The following AFAP1L2 variants were observed in gnomAD, a reference collection of about 807,000 sequenced individuals.
AFAP1L2 encodes the protein actin filament-associated protein 1-like 2.
Under a neutral mutation model 99.3 loss-of-function variants are expected in AFAP1L2, and 46 were observed. That is an observed-to-expected ratio of 0.46 (90% CI 0.37 to 0.59). The LOEUF is 0.59. Among genes scored for constraint, AFAP1L2 ranks in the 20% least tolerant of loss-of-function variants. The pLI, the probability that AFAP1L2 is intolerant of heterozygous loss-of-function variation, is 0.00. For missense variants in AFAP1L2, 959 were observed against 1,034.9 expected (o/e 0.93, Z 1.01); for synonymous variants, 397 against 419.1 (o/e 0.95, Z 0.64).
chr10:114,281,678 T>G, the AFAP1L2 span: 5 of 961,924 alleles, frequency 5.2e-6, no homozygotes, highest in Non-Finnish European at 6.2e-6. Flanking sequence ...GTGGACCAGA[T>G]AGTAGCAGCA....
At chr10:114,385,243 C>T (rs2056344776) in intron 1 of AFAP1L2, among the ~76,000 whole-genome samples, 1 of 152,060 alleles carries the variant, frequency 6.6e-6, no homozygotes. Context: ...CAGAGAAGCC[C>T]CGTTTTAGGA....
At chr10:114,350,874 C>T (rs1222874449) in intron 1 of AFAP1L2, among the ~76,000 whole-genome samples, 1 of 152,164 alleles carries the variant, frequency 6.6e-6, no homozygotes, top group Non-Finnish European at 1.5e-5. Context: ...CAGGTTCCAG[C>T]GGCGACCAGG....
intron 1 of AFAP1L2, among the ~76,000 whole-genome samples, chr10:114,349,634 C>A (rs940733995): frequency 1.3e-5 from 2 of 151,374 alleles, no homozygotes; most frequent in Admixed American, 6.6e-5. Context: ...TTACATATCA[C>A]TGTACTCAGT....
At chr10:114,365,982 T>C (rs2053185172) in intron 1 of AFAP1L2, among the ~76,000 whole-genome samples, 1 of 152,134 alleles carries the variant, frequency 6.6e-6, no homozygotes. Flanking sequence ...GTGATCCTTC[T>C]GCCTTGGCCT....
chr10:114,374,337 A>G (rs1020609597), intron 1 of AFAP1L2, among the ~76,000 whole-genome samples: 2 of 152,230 alleles, frequency 1.3e-5, no homozygotes, highest in Admixed American at 6.5e-5. Flanking sequence ...TTCGTGAGAC[A>G]AACAGCACAG....
In AFAP1L2 at chr10:114,324,066, G is replaced by A. The variant is rs568844266; in HGVS notation, c.316-805C>T. 7.2e-5 allele frequency among the ~76,000 whole-genome samples: 11 copies of A among 152,338 alleles called. No homozygotes were observed. The East Asian group carries it at 1.5e-3, about 21-fold the overall frequency. ...CAACTGTGTCAGAAGCACAGAACGT[G>A]AAATCATTGTGTTCCTCCCTTATTC... On this transcript the variant is annotated intron_variant, in intron 4 of 18. Coordinates refer to ENST00000304129, the MANE Select transcript of AFAP1L2 (RefSeq NM_001001936.3).
At chr10:114,390,828 G>A (rs2057055626) in intron 1 of AFAP1L2, among the ~76,000 whole-genome samples, 1 of 152,142 alleles carries the variant, frequency 6.6e-6, no homozygotes, top group Non-Finnish European at 1.5e-5. Flanking sequence ...CTGGGAAAAT[G>A]GGGCATTGTG....
At chr10:114,360,187 C>CT (rs1390710679) in intron 1 of AFAP1L2, among the ~76,000 whole-genome samples, 1 of 152,188 alleles carries the variant, frequency 6.6e-6, no homozygotes, top group East Asian at 1.9e-4. Context: ...GACCAAAAGA[C>CT]TAAGAGGGAA....
chr10:114,346,373 G>C (rs2049575752), intron 1 of AFAP1L2, among the ~76,000 whole-genome samples: 1 of 152,178 alleles, frequency 6.6e-6, no homozygotes, highest in African/African-American at 2.4e-5. Context: ...TCCGGTCAAG[G>C]GTCAAGATTT....
intron 12 of AFAP1L2, chr10:114,301,713 G>T: frequency 1.9e-6 from 1 of 523,536 alleles, no homozygotes; most frequent in South Asian, 2.4e-5. Flanking sequence ...CATACGCCTC[G>T]TCCTAGGATC....
intron 1 of AFAP1L2, among the ~76,000 whole-genome samples, chr10:114,387,623 T>A (rs2056666521): frequency 6.6e-6 from 1 of 152,132 alleles, no homozygotes; most frequent in Admixed American, 6.5e-5. Context: ...GAAAAAGCTA[T>A]CAACCCTTTT....
intron 8 of AFAP1L2, among the ~76,000 whole-genome samples, chr10:114,309,920 TTTC>T (rs1300823574): frequency 1.3e-5 from 2 of 152,064 alleles, no homozygotes; most frequent in African/African-American, 4.8e-5. Context: ...GCAGTGTATG[TTTC>T]TTCTTCTCTT....
At chr10:114,384,052 C>T (rs1271896975) in intron 1 of AFAP1L2, among the ~76,000 whole-genome samples, 1 of 152,190 alleles carries the variant, frequency 6.6e-6, no homozygotes, top group Non-Finnish European at 1.5e-5. Context: ...AAGGATGCAA[C>T]AACATGGTCT....
chr10:114,322,774 A>T (rs1564864633), intron 5 of AFAP1L2, among the ~76,000 whole-genome samples: 1 of 152,310 alleles, frequency 6.6e-6, no homozygotes, highest in East Asian at 1.9e-4. Context: ...CTGAGCTCAG[A>T]CTCAGCCTGA....
intron 16 of AFAP1L2, among the ~76,000 whole-genome samples, chr10:114,298,740 A>G (rs2040642794): frequency 6.6e-6 from 1 of 152,208 alleles, no homozygotes; most frequent in Non-Finnish European, 1.5e-5. Flanking sequence ...ATAGCTGTCA[A>G]ATGATACGAG....
chr10:114,282,704 G>A, the AFAP1L2 span: 3 of 716,474 alleles, frequency 4.2e-6, 1 homozygote, highest in South Asian at 3.1e-5. Context: ...TGGGGCACTT[G>A]GGGGGCAGAG....
intron 1 of AFAP1L2, among the ~76,000 whole-genome samples, chr10:114,386,077 A>G (rs965620961): frequency 1.3e-5 from 2 of 152,218 alleles, no homozygotes; most frequent in African/African-American, 4.8e-5. Context: ...AAAACCCACC[A>G]TCCAGTAGTA....
At chr10:114,381,650 C>T (rs2055632454) in intron 1 of AFAP1L2, among the ~76,000 whole-genome samples, 1 of 151,776 alleles carries the variant, frequency 6.6e-6, no homozygotes. Flanking sequence ...ATAAGCAAAA[C>T]CCAGAGACAT....
rs199537416 is a variant in AFAP1L2 at position 114,333,199 on chromosome 10, G to A, written c.220+22C>T. 6.4e-4 allele frequency: 1,021 copies of A among 1,605,832 alleles called. 1 individual carries two copies. Among genetic ancestry groups the A allele is most frequent in the Non-Finnish European group, 8.1e-4 (945 of 1,173,616 alleles). ...TCCCAGGAGTGGCCATCATACCAGC[G>A]TCAGTGATCCCAGCCTCATACCTTT... On this transcript the variant is annotated intron_variant, in intron 3 of 18. Coordinates refer to ENST00000304129, the MANE Select transcript of AFAP1L2 (RefSeq NM_001001936.3).
Sources: gnomAD v4.1 joint callset for allele counts (sites outside exome capture counted in the v4.1 genomes callset) on GRCh38, gnomAD v4.1.1 for gene constraint, MANE v1.5 for transcripts, NCBI Gene and HGNC (gene_info 2026-07-23, HGNC 2026-07-21) for gene names.